The following TECRL variants were observed in gnomAD, a reference collection of about 807,000 sequenced individuals.
TECRL encodes trans-2,3-enoyl-CoA reductase like.
In TECRL, 63 loss-of-function variants were observed where a neutral mutation model predicts 52.8. The observed-to-expected ratio is 1.19, with a 90% CI of 0.97 to 1.47. The LOEUF (loss-of-function observed/expected upper bound fraction) is 1.47. Among genes scored for constraint, TECRL ranks in the 40% most tolerant of loss-of-function variants. TECRL has a pLI of 0.00. For missense variants in TECRL, 482 were observed against 429.6 expected (o/e 1.12, Z -1.08); for synonymous variants, 164 against 141.9 (o/e 1.16, Z -1.10).
chr4:64,336,149 T>G (rs1454389785), intron 2 of TECRL, among the ~76,000 whole-genome samples: 1 of 152,158 alleles, frequency 6.6e-6, no homozygotes, highest in Non-Finnish European at 1.5e-5. Context: ...TCCTGGACTT[T>G]TTTTGGTTGG....
chr4:64,337,949 G>A (rs1463497065), intron 2 of TECRL, among the ~76,000 whole-genome samples: 1 of 151,924 alleles, frequency 6.6e-6, no homozygotes, highest in Non-Finnish European at 1.5e-5. Flanking sequence ...TTCATATGGA[G>A]CCAAAAAAGA....
At position 64,328,560 on chromosome 4, in the gene TECRL, T is replaced by G. The variant is rs768575047; in HGVS notation, c.287-4A>C. On this transcript the variant is annotated splice_polypyrimidine_tract_variant and splice_region_variant and intron_variant, in intron 2 of 11. Coordinates refer to ENST00000381210, the MANE Select transcript of TECRL (RefSeq NM_001010874.5). Reference sequence around the variant, plus strand: ...CGAGAAGGGTACCACTTTGGACCTATTCAATGAAAAATAACATTTAATTGT... The same window carrying G: ...CGAGAAGGGTACCACTTTGGACCTAGTCAATGAAAAATAACATTTAATTGT... The G allele has an allele frequency of 1.7e-5, 27 of 1,608,622 alleles. No homozygotes were observed. The highest frequency in any genetic ancestry group is 3.3e-5 in the South Asian group (3 of 90,394).
chr4:64,294,812 A>C (rs1723588426), intron 8 of TECRL, among the ~76,000 whole-genome samples: 1 of 151,990 alleles, frequency 6.6e-6, no homozygotes, highest in Non-Finnish European at 1.5e-5. Context: ...TTTTACCTGA[A>C]TCAATATTTC....
At chr4:64,382,152 C>A (rs181439208) in intron 1 of TECRL, among the ~76,000 whole-genome samples, 1,882 of 142,518 alleles carry the variant, frequency 0.013, 22 homozygotes, top group Middle Eastern at 0.04. Flanking sequence ...TCTTTCTGAC[C>A]CAATATTAGT....
chr4:64,391,105 C>T (rs1004257548), intron 1 of TECRL, among the ~76,000 whole-genome samples: 9 of 151,648 alleles, frequency 5.9e-5, no homozygotes, highest in African/African-American at 2.2e-4. Flanking sequence ...AAGAATTTGT[C>T]CTCAACGTAT....
At chr4:64,281,328 G>T in intron 10 of TECRL, 146 bp downstream of exon 10, 3 of 592,256 alleles carry the variant, frequency 5.1e-6, no homozygotes, top group Non-Finnish European at 5.8e-6. Flanking sequence ...TGATTGAAAT[G>T]TTCTATTTTG....
At chr4:64,353,619 A>G (rs1287845317) in intron 2 of TECRL, among the ~76,000 whole-genome samples, 1 of 152,210 alleles carries the variant, frequency 6.6e-6, no homozygotes, top group Non-Finnish European at 1.5e-5. Flanking sequence ...AACAAGCTCA[A>G]GAAAACATGC....
At chr4:64,290,105 A>G (rs1325197226) in intron 8 of TECRL, among the ~76,000 whole-genome samples, 1 of 152,190 alleles carries the variant, frequency 6.6e-6, no homozygotes, top group African/African-American at 2.4e-5. Context: ...TGCTGAAGAC[A>G]TATTTGGCAT....
intron 11 of TECRL, among the ~76,000 whole-genome samples, chr4:64,280,751 G>C (rs1405786394): frequency 6.6e-6 from 1 of 152,116 alleles, no homozygotes; most frequent in East Asian, 1.9e-4. Context: ...TGCACAAGAA[G>C]TTTCAAGCGA....
At chr4:64,284,497 A>G (rs1577797254) in intron 9 of TECRL, among the ~76,000 whole-genome samples, 1 of 152,094 alleles carries the variant, frequency 6.6e-6, no homozygotes, top group Non-Finnish European at 1.5e-5. Context: ...CATCATCACT[A>G]AGATTCGCAT....
chr4:64,298,422 G>GA (rs1054127779), intron 8 of TECRL, among the ~76,000 whole-genome samples: 10 of 150,834 alleles, frequency 6.6e-5, no homozygotes, highest in Non-Finnish European at 1.2e-4. Flanking sequence ...AGTCTCTGGG[G>GA]AAAAAAAGTA....
chr4:64,296,899 T>C (rs1723716572), intron 8 of TECRL, among the ~76,000 whole-genome samples: 1 of 151,628 alleles, frequency 6.6e-6, no homozygotes, highest in Admixed American at 6.6e-5. Context: ...TTCATAAATT[T>C]GCCTGTATTT....
chr4:64,371,279 T>A (rs1164426609), intron 2 of TECRL, among the ~76,000 whole-genome samples: 1 of 151,018 alleles, frequency 6.6e-6, no homozygotes, highest in Non-Finnish European at 1.5e-5. Flanking sequence ...TAAAATACAA[T>A]TACCTTATCA....
Position 64,279,834 on chromosome 4 carries a change from G to C in TECRL, c.*238C>G, listed in dbSNP as rs1722729766. On this transcript the variant is annotated 3_prime_UTR_variant, in exon 12 of 12. Transcript: ENST00000381210. ...ATGAAGTAAGACAATTTTATTCAAGGACCAATCCCATGCAAATACATTCAG... is the reference window on the plus strand; with the variant it reads ...ATGAAGTAAGACAATTTTATTCAAGCACCAATCCCATGCAAATACATTCAG... 9.5e-7 allele frequency: 1 copy of C among 1,048,720 alleles called. No homozygotes were observed. Among genetic ancestry groups the C allele is most frequent in the Non-Finnish European group, 1.1e-6 (1 of 871,732 alleles). The allele number at this position is 1,048,720 out of a possible 1,614,324, so 65.0% of individuals were successfully genotyped here. A position where few individuals can be genotyped will look rare whatever the true frequency, so the allele number is the denominator to read the frequency against.
intron 2 of TECRL, among the ~76,000 whole-genome samples, chr4:64,344,267 GTCTATATCTATCTATAAGAT>G (rs1199433522): frequency 6.6e-6 from 1 of 151,628 alleles, no homozygotes; most frequent in Non-Finnish European, 1.5e-5. Context: ...TATAACCTAT[GTCTATATCTATCTATAAGAT>G]TCTATATCTA....
intron 9 of TECRL, among the ~76,000 whole-genome samples, chr4:64,285,477 T>G (rs1268910511): frequency 6.6e-6 from 1 of 152,108 alleles, no homozygotes; most frequent in African/African-American, 2.4e-5. Context: ...AATGGTTCCC[T>G]TCTAGACATA....
At chr4:64,306,918 C>T (rs1227717529) in intron 6 of TECRL, among the ~76,000 whole-genome samples, 5 of 152,206 alleles carry the variant, frequency 3.3e-5, no homozygotes, top group Non-Finnish European at 7.3e-5. Context: ...AAGTTACAGG[C>T]TAACATTCCA....
intron 2 of TECRL, among the ~76,000 whole-genome samples, chr4:64,335,360 A>G (rs767275419): frequency 1.3e-5 from 2 of 152,178 alleles, no homozygotes; most frequent in Non-Finnish European, 2.9e-5. Flanking sequence ...CTAATGCCTA[A>G]TGGTCACTAT....
chr4:64,330,481 A>G (rs1577882675), intron 2 of TECRL, among the ~76,000 whole-genome samples: 1 of 152,062 alleles, frequency 6.6e-6, no homozygotes, highest in East Asian at 1.9e-4. Flanking sequence ...ATATATCTCA[A>G]GTAAAAAAGA....
Sources: allele counts gnomAD v4.1 joint callset (sites outside exome capture counted in the v4.1 genomes callset), GRCh38; gene constraint gnomAD v4.1.1; transcripts MANE v1.5; gene names NCBI Gene and HGNC (gene_info 2026-07-23, HGNC 2026-07-21).